Variants in CEACAM7 observed in about 807,000 individuals in gnomAD.
CEACAM7 encodes CEA cell adhesion molecule 7.
CEACAM7 carries 24 observed loss-of-function variants against 25.7 expected under a neutral mutation model. The ratio of observed to expected loss-of-function variants is 0.93; its 90% CI spans 0.68 to 1.31. The LOEUF (loss-of-function observed/expected upper bound fraction) is 1.31, where lower values mean the gene tolerates loss of function less well. Ranked by LOEUF, CEACAM7 falls within the 40% of genes most tolerant of loss-of-function variation. The pLI, the probability that CEACAM7 is intolerant of heterozygous loss-of-function variation, is 0.00. For synonymous variants in CEACAM7, 144 were observed against 129.4 expected (o/e 1.11, Z -0.77); for missense variants, 324 against 330.1 (o/e 0.98, Z 0.14).
chr19:41,683,957 C>T lies in CEACAM7; in HGVS notation c.534G>A (p.Leu178=). The change falls in exon 3 of 5, where the codon CTG becomes CTA. Residue 178 remains leucine (L), a synonymous_variant. Transcript: ENST00000401731. ...GGAGGCTCTGATTGTTTACCCACCACAGGTAGGTTGTGTTCTGAGTCTCAG... is the reference window on the plus strand; with the variant it reads ...GGAGGCTCTGATTGTTTACCCACCATAGGTAGGTTGTGTTCTGAGTCTCAG... ...CQPETQNTTY[L]WWVNNQSLLV... is the part of the protein sequence containing the mutation. The T allele has an allele frequency of 6.2e-7, 1 of 1,614,154 alleles. No homozygotes were observed. The highest frequency in any genetic ancestry group is 8.5e-7 in the Non-Finnish European group (1 of 1,180,014).
chr19:41,686,251 A>G (rs1419878260), intron 2 of CEACAM7, among the ~76,000 whole-genome samples: 2 of 152,184 alleles, frequency 1.3e-5, no homozygotes, highest in Non-Finnish European at 2.9e-5. Flanking sequence ...CTGAGGTCCT[A>G]GTAATCCTGT....
chr19:41,684,490 A>G (rs1357315264), intron 2 of CEACAM7, among the ~76,000 whole-genome samples: 2 of 152,136 alleles, frequency 1.3e-5, no homozygotes, highest in African/African-American at 4.8e-5. Context: ...TTTTCCAAGG[A>G]TATCCCAGAG....
intron 3 of CEACAM7, 94 bp downstream of exon 3, chr19:41,683,691 T>G: frequency 6.5e-7 from 1 of 1,533,934 alleles, no homozygotes; most frequent in South Asian, 1.2e-5. Context: ...TGAGGGTCTG[T>G]GTACTTGGAC....
chr19:41,676,299 CA>C (rs2072113204), intron 4 of CEACAM7, among the ~76,000 whole-genome samples: 1 of 152,212 alleles, frequency 6.6e-6, no homozygotes, highest in African/African-American at 2.4e-5. Context: ...CCATATTTCC[CA>C]TTAGATTTCT....
At position 41,687,054 on chromosome 19, in the gene CEACAM7, G is replaced by A. The variant is rs782719770; in HGVS notation, c.232C>T (p.Arg78Ter). The change falls in exon 2 of 5, where the codon CGA becomes TGA. Residue 78 changes from arginine to a stop codon, truncating the protein, a stop_gained. Transcript: ENST00000401731. LOFTEE classifies it high-confidence loss of function. ...YKGERVHANY[R>*]IIGYVKNISQ... ...ATATTTTTTACATATCCTATAATTCGATAGTTGGCATGCACCCTTTCCCCT... is the reference window on the plus strand; with the variant it reads ...ATATTTTTTACATATCCTATAATTCAATAGTTGGCATGCACCCTTTCCCCT... 9.9e-6 allele frequency: 16 copies of A among 1,613,888 alleles called. No individual in the cohort carries two copies. The highest frequency in any genetic ancestry group is 6.6e-5 in the South Asian group (6 of 91,076).
At chr19:41,686,613 C>T (rs1441006431) in intron 2 of CEACAM7, among the ~76,000 whole-genome samples, 1 of 152,156 alleles carries the variant, frequency 6.6e-6, no homozygotes, top group Non-Finnish European at 1.5e-5. Context: ...ACTGATCTCC[C>T]CCTGCTGAGT....
intron 4 of CEACAM7, among the ~76,000 whole-genome samples, 184 bp downstream of exon 4, chr19:41,677,192 G>C (rs2072122646): frequency 6.6e-6 from 1 of 152,216 alleles, no homozygotes; most frequent in African/African-American, 2.4e-5. Flanking sequence ...AGAGACAGTG[G>C]AGTACAGGAA....
intron 4 of CEACAM7, among the ~76,000 whole-genome samples, chr19:41,676,637 A>G (rs2072116268): frequency 6.6e-6 from 1 of 152,206 alleles, no homozygotes; most frequent in African/African-American, 2.4e-5. Flanking sequence ...AAAGATTCTC[A>G]GCCACGTTTA....
rs1555810969 is a variant in CEACAM7, at chr19:41,684,029, G to C, written c.462C>G (p.Asn154Lys). The C allele has an allele frequency of 1.2e-6, 2 of 1,614,196 alleles. No individual in the cohort carries two copies. Among genetic ancestry groups the C allele is most frequent in the Non-Finnish European group, 1.7e-6 (2 of 1,180,034 alleles). Residue 154 changes from asparagine to lysine, a missense_variant, in exon 3 of 5, where the codon AAC (asparagine) becomes AAG (lysine). Asn to Lys is a moderately conservative substitution (Grantham distance 94). Transcript: ENST00000401731. Reference protein sequence around the residue: ...EPPKPSITSNNFNPVENKDIV... With the variant: ...EPPKPSITSNKFNPVENKDIV... ...TATCTTTGTTCTCCACCGGATTGAA[G>C]TTGTTGCTGGTGATGGAGGGCTTGG...
rs782306408 is a variant in CEACAM7 at position 41,684,006 on chromosome 19, T to C, written c.485A>G (p.Asp162Gly). 2 of 1,614,146 alleles carry C rather than the reference T, an allele frequency of 1.2e-6. No individual in the cohort carries two copies. Among genetic ancestry groups the C allele is most frequent in the Non-Finnish European group, 8.5e-7 (1 of 1,180,034 alleles). Residue 162 changes from aspartate to glycine, a missense_variant, in exon 3 of 5, where the codon GAT becomes GGT. Coordinates refer to ENST00000401731, the MANE Select transcript of CEACAM7 (RefSeq NM_001291485.2). ...SNNFNPVENK[D>G]IVVLTCQPET... ...AGGTTGACAGGTTAAAACCACAATA[T>C]CTTTGTTCTCCACCGGATTGAAGTT...
intron 3 of CEACAM7, among the ~76,000 whole-genome samples, chr19:41,680,251 G>A (rs2072161822): frequency 6.6e-6 from 1 of 151,904 alleles, no homozygotes; most frequent in Non-Finnish European, 1.5e-5. Flanking sequence ...TGAAAAAATT[G>A]TAAGCTGAAA....
chr19:41,684,830 G>T (rs2072211327), intron 2 of CEACAM7, among the ~76,000 whole-genome samples: 1 of 152,216 alleles, frequency 6.6e-6, no homozygotes, highest in Non-Finnish European at 1.5e-5. Context: ...CAGCTCCTGT[G>T]CAGTCAGCAA....
chr19:41,683,867 C>A lies in CEACAM7; in HGVS notation c.624G>T (p.Lys208Asn). Residue 208 changes from lysine (K) to asparagine (N), a missense_variant, in exon 3 of 5, where the codon AAG becomes AAT. Coordinates refer to ENST00000401731, the MANE Select transcript of CEACAM7 (RefSeq NM_001291485.2). ...NRTLVLLSAT[K>N]NDIGPYECEI... is the part of the protein sequence containing the mutation. ...CACATTCATAGGGTCCTATGTCATT[C>A]TTTGTGGCGCTGAGTAGAACGAGGG... 6.2e-7 allele frequency: 1 copy of A among 1,614,218 alleles called. No individual in the cohort carries two copies. The highest frequency in any genetic ancestry group is 8.5e-7 in the Non-Finnish European group (1 of 1,180,040).
chr19:41,677,257 T>A, intron 4 of CEACAM7, 119 bp downstream of exon 4: 1 of 572,466 alleles, frequency 1.7e-6, no homozygotes, highest in South Asian at 2.4e-5. Flanking sequence ...GAAGCAGGAG[T>A]TTAGTGGGAG....
intron 4 of CEACAM7, among the ~76,000 whole-genome samples, chr19:41,676,294 T>C (rs1258605714): frequency 6.6e-6 from 1 of 152,248 alleles, no homozygotes; most frequent in African/African-American, 2.4e-5. Flanking sequence ...TGTAGCCATA[T>C]TTCCCATTAG....
In CEACAM7 at chr19:41,683,971, T is replaced by A. The variant is rs2072201597; in HGVS notation, c.520A>T (p.Asn174Tyr). The A allele has an allele frequency of 6.2e-7, 1 of 1,614,200 alleles. No homozygotes were observed. The highest frequency in any genetic ancestry group is 1.7e-5 in the Admixed American group (1 of 60,008). The change falls in exon 3 of 5, where the codon AAC (asparagine) becomes TAC (tyrosine). Residue 174 changes from asparagine (N) to tyrosine (Y), a missense_variant. Transcript: ENST00000401731. ...TTTACCCACCACAGGTAGGTTGTGTTCTGAGTCTCAGGTTGACAGGTTAAA... is the reference window on the plus strand; with the variant it reads ...TTTACCCACCACAGGTAGGTTGTGTACTGAGTCTCAGGTTGACAGGTTAAA... ...VVLTCQPETQ[N>Y]TTYLWWVNNQ...
intron 2 of CEACAM7, among the ~76,000 whole-genome samples, chr19:41,686,210 G>A (rs1433088261): frequency 6.6e-6 from 1 of 152,056 alleles, no homozygotes; most frequent in Non-Finnish European, 1.5e-5. Context: ...GACTCCCCTA[G>A]GACCTCTCTT....
chr19:41,684,170 C>T (rs2072204936), intron 2 of CEACAM7, 107 bp from the exon 3 acceptor site: 3 of 1,187,920 alleles, frequency 2.5e-6, no homozygotes, highest in Admixed American at 2.1e-5. Flanking sequence ...CCACTCAAGT[C>T]CTTAAAAGCC....
intron 3 of CEACAM7, among the ~76,000 whole-genome samples, chr19:41,679,437 G>A (rs896071159): frequency 6.6e-6 from 1 of 152,046 alleles, no homozygotes; most frequent in African/African-American, 2.4e-5. Context: ...TATAATAAAG[G>A]CATTATCTGA....
Sources: allele counts gnomAD v4.1 joint callset (sites outside exome capture counted in the v4.1 genomes callset), GRCh38; gene constraint gnomAD v4.1.1; transcripts MANE v1.5; gene names NCBI Gene and HGNC (gene_info 2026-07-23, HGNC 2026-07-21).